The following CIMIP6 variants were observed in gnomAD, a reference collection of about 807,000 sequenced individuals.
CIMIP6 encodes the protein ciliary microtubule inner protein 6, also known as uncharacterized protein C2orf73.
the CIMIP6 span, among the ~76,000 whole-genome samples, chr2:54,358,726 G>A: frequency 6.6e-6 from 1 of 152,132 alleles, no homozygotes; most frequent in African/African-American, 2.4e-5. Context: ...ATTAATTTTA[G>A]TTTTAAAAAT....
chr2:54,338,357 C>T, the CIMIP6 span, among the ~76,000 whole-genome samples: 1 of 16,750 alleles, frequency 6.0e-5, no homozygotes, highest in Non-Finnish European at 2.2e-4. Context: ...ATGGCTTGAG[C>T]TCAGGAGTTC....
chr2:54,370,812 G>C, the CIMIP6 span, among the ~76,000 whole-genome samples: 1 of 152,188 alleles, frequency 6.6e-6, no homozygotes, highest in Non-Finnish European at 1.5e-5. Flanking sequence ...AGTCTTGAGA[G>C]GTGAGACAGT....
At chr2:54,371,770 G>C in the CIMIP6 span, among the ~76,000 whole-genome samples, 1 of 152,234 alleles carries the variant, frequency 6.6e-6, no homozygotes, top group Non-Finnish European at 1.5e-5. Context: ...GTGGGCACAG[G>C]AGTGGTTCCA....
the CIMIP6 span, among the ~76,000 whole-genome samples, chr2:54,370,766 T>A: frequency 6.6e-6 from 1 of 152,306 alleles, no homozygotes; most frequent in African/African-American, 2.4e-5. Flanking sequence ...AAGGCCAGGA[T>A]AGCAGAGTTC....
the CIMIP6 span, chr2:54,360,277 A>G: frequency 6.2e-7 from 1 of 1,612,394 alleles, no homozygotes; most frequent in Non-Finnish European, 8.5e-7. Context: ...CAGAGGTATT[A>G]CTGAACACTC....
the CIMIP6 span, among the ~76,000 whole-genome samples, chr2:54,340,307 C>T: frequency 6.1e-5 from 1 of 16,344 alleles, no homozygotes; most frequent in East Asian, 5.3e-4. Context: ...TGTTAACCCC[C>T]CACAATCCAA....
At chr2:54,350,698 C>A in the CIMIP6 span, among the ~76,000 whole-genome samples, 1 of 152,156 alleles carries the variant, frequency 6.6e-6, no homozygotes, top group Non-Finnish European at 1.5e-5. Context: ...TTGGGGCCAC[C>A]AATTTAACAG....
At chr2:54,335,499 C>T in the CIMIP6 span, among the ~76,000 whole-genome samples, 1 of 152,106 alleles carries the variant, frequency 6.6e-6, no homozygotes, top group African/African-American at 2.4e-5. Context: ...AACACATATT[C>T]CTTTGAGGTT....
chr2:54,381,431 A>G, the CIMIP6 span, among the ~76,000 whole-genome samples: 1 of 152,244 alleles, frequency 6.6e-6, no homozygotes, highest in African/African-American at 2.4e-5. Flanking sequence ...CATTGCCCTA[A>G]GTAGTTTACC....
chr2:54,381,834 TCTTC>T, the CIMIP6 span: 1 of 1,527,092 alleles, frequency 6.5e-7, no homozygotes, highest in Non-Finnish European at 8.8e-7. Flanking sequence ...GGTGTTCTTG[TCTTC>T]CTTCCAGATG....
At chr2:54,360,161 C>A in the CIMIP6 span, 3 of 1,484,060 alleles carry the variant, frequency 2.0e-6, no homozygotes, top group Non-Finnish European at 2.7e-6. Flanking sequence ...TTCCAGCAAT[C>A]TGCGTTCTCC....
At chr2:54,372,193 A>G in the CIMIP6 span, among the ~76,000 whole-genome samples, 1 of 152,180 alleles carries the variant, frequency 6.6e-6, no homozygotes, top group Admixed American at 6.5e-5. Context: ...AACTGTAACT[A>G]TGCAGTGGAG....
the CIMIP6 span, among the ~76,000 whole-genome samples, chr2:54,344,256 A>T: frequency 2.6e-5 from 4 of 152,186 alleles, no homozygotes; most frequent in African/African-American, 9.6e-5. Flanking sequence ...TTAGAAAGAT[A>T]ATAAAGTTTC....
At chr2:54,357,293 T>C in the CIMIP6 span, among the ~76,000 whole-genome samples, 1 of 152,230 alleles carries the variant, frequency 6.6e-6, no homozygotes, top group Non-Finnish European at 1.5e-5. Context: ...TCAAAGTGAA[T>C]TCATGAATGC....
At chr2:54,334,169 A>T in the CIMIP6 span, among the ~76,000 whole-genome samples, 1 of 152,114 alleles carries the variant, frequency 6.6e-6, no homozygotes, top group Non-Finnish European at 1.5e-5. Context: ...ATTTCTCCTT[A>T]TTTGAAAGGA....
the CIMIP6 span, chr2:54,334,933 G>T: frequency 1.9e-6 from 3 of 1,595,666 alleles, no homozygotes; most frequent in Admixed American, 1.7e-5. Context: ...GGAAGAGGAC[G>T]TATATATTAT....
chr2:54,366,672 A>G, the CIMIP6 span, among the ~76,000 whole-genome samples: 1 of 152,180 alleles, frequency 6.6e-6, no homozygotes, highest in Non-Finnish European at 1.5e-5. Context: ...AAAGACAACC[A>G]TAATGTCAGC....
the CIMIP6 span, chr2:54,330,973 C>A: frequency 1.7e-5 from 27 of 1,613,214 alleles, no homozygotes; most frequent in Non-Finnish European, 2.2e-5. Flanking sequence ...GCCGTAGAGG[C>A]CCATGGAGGA....
the CIMIP6 span, among the ~76,000 whole-genome samples, chr2:54,370,270 A>C: frequency 6.6e-6 from 1 of 152,266 alleles, no homozygotes; most frequent in South Asian, 2.1e-4. Context: ...AAGAGAAAGG[A>C]AAAAGACAAG....
Sources: allele counts gnomAD v4.1 joint callset (sites outside exome capture counted in the v4.1 genomes callset), GRCh38; gene constraint gnomAD v4.1.1; transcripts MANE v1.5; gene names NCBI Gene and HGNC (gene_info 2026-07-23, HGNC 2026-07-21).